The following HIBCH variants were observed in gnomAD, a reference collection of about 807,000 sequenced individuals.
The protein encoded by HIBCH is 3-hydroxyisobutyryl-CoA hydrolase, mitochondrial.
A neutral mutation model predicts 58.2 loss-of-function variants in HIBCH; 50 were observed. That is an observed-to-expected ratio of 0.86 (90% CI 0.68 to 1.09). The LOEUF (loss-of-function observed/expected upper bound fraction) is 1.09. HIBCH is among the 50% of genes least tolerant of loss of function. HIBCH has a pLI of 0.00. For missense variants in HIBCH, 450 were observed against 449.7 expected (o/e 1.00, Z -0.01); for synonymous variants, 151 against 146.9 (o/e 1.03, Z -0.20).
chr2:190,212,945 T>C lies in HIBCH; in HGVS notation c.1011+11A>G. 3.7e-6 allele frequency: 6 copies of C among 1,605,318 alleles called. No homozygotes were observed. Among genetic ancestry groups the C allele is most frequent in the Non-Finnish European group, 4.3e-6 (5 of 1,175,030 alleles). ...GAACTAAAAAATGACATTTTTTTTT[T>C]AAATTCTTACCATACAAGCTTGACT... is the stretch of plus-strand genomic sequence containing the variant. On this transcript the variant is annotated intron_variant, in intron 12 of 13. Transcript: ENST00000359678.
chr2:190,200,804 C>CCT (rs1161029286), downstream of HIBCH: 9 of 167,250 alleles, frequency 5.4e-5, no homozygotes, highest in African/African-American at 2.2e-4. Context: ...TTTATAGAAG[C>CCT]CATGACATTA....
chr2:190,206,809 G>A lies in HIBCH; in HGVS notation c.1046-1577C>T, dbSNP rs1349445003. ...ACAGACGCTGCTTTCTGAAAGAGGC[G>A]GCAATATACTTTCTCTTCATTAAAA... On this transcript the variant is annotated intron_variant, in intron 13 of 13. Transcript: ENST00000359678. The surrounding 1 kb of genome is among the most constrained non-coding windows in gnomAD (Gnocchi z 5.1). 3.3e-5 allele frequency among the ~76,000 whole-genome samples: 5 copies of A among 152,104 alleles called. No homozygotes were observed. Among genetic ancestry groups the A allele is most frequent in the African/African-American group, 4.8e-5 (2 of 41,428 alleles).
At chr2:190,195,021 AT>A (rs917004276) in intron 1 of HIBCH, among the ~76,000 whole-genome samples, 1 of 151,766 alleles carries the variant, frequency 6.6e-6, no homozygotes, top group African/African-American at 2.4e-5. Flanking sequence ...TGCCTGGCTA[AT>A]TTTTTTCATA....
intron 2 of HIBCH, among the ~76,000 whole-genome samples, chr2:190,307,190 CATA>C (rs1366262671): frequency 1.3e-5 from 2 of 152,096 alleles, no homozygotes; most frequent in Admixed American, 6.6e-5. Context: ...ATCTGGACAT[CATA>C]ATAAGAACAT....
At chr2:190,268,987 T>A (rs1302779255) in intron 6 of HIBCH, among the ~76,000 whole-genome samples, 1 of 152,100 alleles carries the variant, frequency 6.6e-6, no homozygotes, top group Non-Finnish European at 1.5e-5. Context: ...GGGGAAAGGA[T>A]TCCCTATTTA....
At chr2:190,300,639 A>C (rs1031043750) in intron 2 of HIBCH, among the ~76,000 whole-genome samples, 1 of 152,148 alleles carries the variant, frequency 6.6e-6, no homozygotes, top group African/African-American at 2.4e-5. Flanking sequence ...TTTGCTGTCC[A>C]GAAGCTCTTT....
intron 11 of HIBCH, among the ~76,000 whole-genome samples, chr2:190,221,818 C>T (rs1685727345): frequency 6.6e-6 from 1 of 152,154 alleles, no homozygotes; most frequent in African/African-American, 2.4e-5. Context: ...GACAGCAATG[C>T]TTTGGAGAGG....
intron 5 of HIBCH, 60 bp from the exon 6 acceptor site, chr2:190,287,698 A>T: frequency 8.2e-7 from 1 of 1,225,852 alleles, no homozygotes. Context: ...CCTTTTTCTT[A>T]AAAAAAAACC....
intron 13 of HIBCH, 24 bp downstream of exon 13, chr2:190,208,856 G>C: frequency 6.2e-7 from 1 of 1,605,832 alleles, no homozygotes; most frequent in Non-Finnish European, 8.5e-7. Context: ...TCCCCAAAAT[G>C]GTAAGTTCCC....
intron 4 of HIBCH, among the ~76,000 whole-genome samples, chr2:190,293,397 G>A (rs76099630): frequency 7.9e-5 from 12 of 151,862 alleles, no homozygotes; most frequent in African/African-American, 2.4e-4. Context: ...AGGTTGCAGC[G>A]AGCAGAGATC....
intron 11 of HIBCH, among the ~76,000 whole-genome samples, chr2:190,244,104 C>T (rs987994499): frequency 6.6e-6 from 1 of 151,816 alleles, no homozygotes; most frequent in Non-Finnish European, 1.5e-5. Flanking sequence ...AAATAGAAAA[C>T]ATTATGGAAT....
At chr2:190,191,475 T>C (rs1348698874) in intron 1 of HIBCH, among the ~76,000 whole-genome samples, 1 of 152,304 alleles carries the variant, frequency 6.6e-6, no homozygotes, top group South Asian at 2.1e-4. Flanking sequence ...GAACACAAAT[T>C]TTCATGTATC....
chr2:190,226,750 T>A (rs1575705977), intron 11 of HIBCH, among the ~76,000 whole-genome samples: 2 of 152,246 alleles, frequency 1.3e-5, no homozygotes, highest in South Asian at 2.1e-4. Flanking sequence ...CAAAAATCAA[T>A]GTGCAAATAT....
At chr2:190,310,408 ATTATC>A (rs1266375241) in intron 2 of HIBCH, among the ~76,000 whole-genome samples, 1 of 152,192 alleles carries the variant, frequency 6.6e-6, no homozygotes, top group African/African-American at 2.4e-5. Flanking sequence ...GATTAATACA[ATTATC>A]TTATTTATCA....
At chr2:190,309,334 C>A (rs1188483747) in intron 2 of HIBCH, among the ~76,000 whole-genome samples, 2 of 152,114 alleles carry the variant, frequency 1.3e-5, no homozygotes, top group Non-Finnish European at 2.9e-5. Context: ...ACTGAGCTAA[C>A]CCATGACAAG....
At position 190,214,921 on chromosome 2, in the gene HIBCH, A is replaced by T. The variant is rs965854682; in HGVS notation, c.892-1846T>A. The T allele has an allele frequency of 6.6e-6, 1 of 152,248 alleles. No individual in the cohort carries two copies. Among genetic ancestry groups the T allele is most frequent in the Non-Finnish European group, 1.5e-5 (1 of 68,048 alleles). 9.4% of individuals were successfully genotyped at this position (152,248 alleles called of 1,614,324 possible). A position where few individuals can be genotyped will look rare whatever the true frequency, so the allele number is the denominator to read the frequency against. On this transcript the variant is annotated intron_variant, in intron 11 of 13. Transcript: ENST00000359678. The surrounding 1 kb of genome is among the most constrained non-coding windows in gnomAD (Gnocchi z 5.5). Reference sequence around the variant, plus strand: ...AGGAAAGAATTAGAACAATGTAAGAAGGACATTGAGAATTTCCCTATTTCT... The same window carrying T: ...AGGAAAGAATTAGAACAATGTAAGATGGACATTGAGAATTTCCCTATTTCT...
At chr2:190,302,938 CT>C (rs1429368247) in intron 2 of HIBCH, among the ~76,000 whole-genome samples, 1 of 152,174 alleles carries the variant, frequency 6.6e-6, no homozygotes, top group African/African-American at 2.4e-5. Context: ...ATCAACATGG[CT>C]TTTCATGGTA....
intron 2 of HIBCH, among the ~76,000 whole-genome samples, chr2:190,307,349 T>C (rs886751651): frequency 4.6e-5 from 7 of 152,204 alleles, no homozygotes; most frequent in Admixed American, 3.3e-4. Context: ...TTAAATGAGC[T>C]TTTGCATATT....
At chr2:190,199,685 T>G, downstream of HIBCH, 1 of 1,415,144 alleles carries the variant, frequency 7.1e-7, no homozygotes, top group Non-Finnish European at 9.2e-7. Context: ...GAAACCTACC[T>G]TCTCTTGACA....
Sources: gnomAD v4.1 joint callset for allele counts (sites outside exome capture counted in the v4.1 genomes callset) on GRCh38, gnomAD v4.1.1 for gene constraint, Gnocchi (gnomAD v3.1) non-coding constraint, MANE v1.5 for transcripts, NCBI Gene and HGNC (gene_info 2026-07-23, HGNC 2026-07-21) for gene names.